The following BCL2L1 variants were observed in gnomAD, a reference collection of about 807,000 sequenced individuals.
BCL2L1 encodes BCL2 like 1, also known as bcl-2-like protein 1.
Under a neutral mutation model 18.7 loss-of-function variants are expected in BCL2L1, and 1 was observed. That is an observed-to-expected ratio of 0.05 (90% CI 0.02 to 0.25). BCL2L1 has a LOEUF of 0.25. Ranked by LOEUF, BCL2L1 falls within the 10% of genes least tolerant of loss-of-function variation. The pLI is 1.00. For synonymous variants in BCL2L1, 103 were observed against 122.7 expected (o/e 0.84, Z 1.06); for missense variants, 207 against 304.9 (o/e 0.68, Z 2.39).
At chr20:31,712,389 T>A (rs1460400606) in intron 2 of BCL2L1, among the ~76,000 whole-genome samples, 1 of 152,208 alleles carries the variant, frequency 6.6e-6, no homozygotes, top group Non-Finnish European at 1.5e-5. Flanking sequence ...TACTTCAGAG[T>A]GCTGCTGTGA....
Position 31,721,984 on chromosome 20 carries a change from C to G in BCL2L1, c.235G>C (p.Glu79Gln), listed in dbSNP as rs1375774824. 2.5e-6 allele frequency: 4 copies of G among 1,614,180 alleles called. No homozygotes were observed. Among genetic ancestry groups the G allele is most frequent in the Non-Finnish European group, 3.4e-6 (4 of 1,180,020 alleles). The change falls in exon 2 of 3, where the codon GAG becomes CAG. Residue 79 changes from glutamate to glutamine, a missense_variant. Coordinates refer to ENST00000307677, the MANE Select transcript of BCL2L1 (RefSeq NM_138578.3). ...TGHSSSLDAR[E>Q]VIPMAAVKQA... Reference sequence around the variant, plus strand: ...TTTACTGCTGCCATGGGGATCACCTCCCGGGCATCCAAACTGCTGCTGTGG... The same window carrying G: ...TTTACTGCTGCCATGGGGATCACCTGCCGGGCATCCAAACTGCTGCTGTGG...
intron 2 of BCL2L1, among the ~76,000 whole-genome samples, chr20:31,691,152 C>CAAAAAA (rs539012918): frequency 4.0e-5 from 1 of 24,852 alleles, no homozygotes; most frequent in Non-Finnish European, 7.6e-5. Flanking sequence ...GACTCTGTCT[C>CAAAAAA]AAAAAAAAAA....
chr20:31,674,544 G>A (rs1209301569), intron 2 of BCL2L1, among the ~76,000 whole-genome samples: 1 of 152,152 alleles, frequency 6.6e-6, no homozygotes, highest in Non-Finnish European at 1.5e-5. Flanking sequence ...CAGGTAACCT[G>A]AGGCTCAGAG....
At chr20:31,707,576 C>T (rs1342200526) in intron 2 of BCL2L1, among the ~76,000 whole-genome samples, 5 of 151,820 alleles carry the variant, frequency 3.3e-5, no homozygotes, top group Non-Finnish European at 7.4e-5. Context: ...GTCAGGAGTT[C>T]GAGACCAGCC....
chr20:31,720,805 C>T (rs983038323), intron 2 of BCL2L1: 1 of 985,314 alleles, frequency 1.0e-6, no homozygotes, highest in Non-Finnish European at 1.2e-6. Context: ...ATCTCAATGT[C>T]CCACAGAGCC....
At chr20:31,687,980 C>A (rs1334431270) in intron 2 of BCL2L1, among the ~76,000 whole-genome samples, 1 of 152,158 alleles carries the variant, frequency 6.6e-6, no homozygotes, top group Non-Finnish European at 1.5e-5. Flanking sequence ...GACCATGGCA[C>A]CCTATTTAAC....
At chr20:31,695,233 C>T (rs1040208338) in intron 2 of BCL2L1, among the ~76,000 whole-genome samples, 3 of 152,186 alleles carry the variant, frequency 2.0e-5, no homozygotes, top group Non-Finnish European at 4.4e-5. Flanking sequence ...CCGCTCTTAC[C>T]CATAGAGTTT....
chr20:31,723,203 A>G, upstream of BCL2L1: 1 of 882,038 alleles, frequency 1.1e-6, no homozygotes, highest in Non-Finnish European at 1.4e-6. Context: ...GACCCCCAAC[A>G]AATGCCGCTG....
intron 2 of BCL2L1, among the ~76,000 whole-genome samples, chr20:31,677,774 T>A (rs947894493): frequency 6.6e-6 from 1 of 152,176 alleles, no homozygotes; most frequent in Non-Finnish European, 1.5e-5. Context: ...CTGTCCCACT[T>A]ATCTCTGAGG....
At chr20:31,720,413 C>T (rs1350565071) in intron 2 of BCL2L1, 1 of 570,142 alleles carries the variant, frequency 1.8e-6, no homozygotes, top group Non-Finnish European at 2.2e-6. Flanking sequence ...TGCTTTTCTG[C>T]ATACTCTGAG....
intron 2 of BCL2L1, among the ~76,000 whole-genome samples, chr20:31,688,290 A>G (rs904896114): frequency 6.6e-6 from 1 of 151,896 alleles, no homozygotes; most frequent in African/African-American, 2.4e-5. Context: ...CTAAAAATAC[A>G]AAAATTAGCC....
chr20:31,707,493 T>C (rs1284075464), intron 2 of BCL2L1, among the ~76,000 whole-genome samples: 3 of 152,284 alleles, frequency 2.0e-5, no homozygotes, highest in African/African-American at 4.8e-5. Context: ...AGAAAAGCGC[T>C]GTAGGCCGGG....
intron 2 of BCL2L1, chr20:31,720,213 T>A: frequency 1.1e-6 from 1 of 948,354 alleles, no homozygotes; most frequent in Non-Finnish European, 1.3e-6. Flanking sequence ...TGCAAAGAAA[T>A]GCAAAATGAG....
At chr20:31,709,840 CA>C (rs56937786) in intron 2 of BCL2L1, among the ~76,000 whole-genome samples, 1,548 of 63,900 alleles carry the variant, frequency 0.024, 6 homozygotes, top group Middle Eastern at 0.081. Context: ...GACTCCATCT[CA>C]AAAAAAAAAA....
chr20:31,668,208 CT>C (rs1374766824), intron 2 of BCL2L1, among the ~76,000 whole-genome samples: 1 of 152,112 alleles, frequency 6.6e-6, no homozygotes, highest in East Asian at 1.9e-4. Flanking sequence ...ACAACCATGA[CT>C]CCCCTCAAAT....
At chr20:31,705,685 G>A (rs1417072541) in intron 2 of BCL2L1, among the ~76,000 whole-genome samples, 1 of 152,228 alleles carries the variant, frequency 6.6e-6, no homozygotes, top group East Asian at 1.9e-4. Flanking sequence ...GTTTAAAGGT[G>A]CTGGGTGCCA....
At chr20:31,667,149 T>C (rs2060599881) in intron 2 of BCL2L1, among the ~76,000 whole-genome samples, 1 of 151,634 alleles carries the variant, frequency 6.6e-6, no homozygotes, top group African/African-American at 2.4e-5. Flanking sequence ...ATCTGGCACC[T>C]AGAAATATGT....
chr20:31,697,733 G>A (rs1300115863), intron 2 of BCL2L1, among the ~76,000 whole-genome samples: 4 of 150,970 alleles, frequency 2.6e-5, no homozygotes, highest in South Asian at 2.1e-4. Context: ...CACTGTGCCC[G>A]GCCTAACAGG....
chr20:31,675,495 G>A (rs781054081), intron 2 of BCL2L1, among the ~76,000 whole-genome samples: 80 of 152,180 alleles, frequency 5.3e-4, no homozygotes, highest in Admixed American at 4.2e-3. Flanking sequence ...AGTTGCAGGC[G>A]GAGACTCGGA....
Sources: allele counts gnomAD v4.1 joint callset (sites outside exome capture counted in the v4.1 genomes callset), GRCh38; gene constraint gnomAD v4.1.1; transcripts MANE v1.5; gene names NCBI Gene and HGNC (gene_info 2026-07-23, HGNC 2026-07-21).